MTRF1L: variants seen among roughly 807,000 people sequenced by gnomAD.
MTRF1L encodes mitochondrial translation release factor 1 like.
In MTRF1L, 29 loss-of-function variants were observed where a neutral mutation model predicts 40.0. The observed-to-expected ratio is 0.73, with a 90% CI of 0.54 to 0.99. MTRF1L has a LOEUF of 0.99. MTRF1L is among the 50% of genes least tolerant of loss of function. The pLI is 0.00. For synonymous variants in MTRF1L, 150 were observed against 175.8 expected (o/e 0.85, Z 1.16); for missense variants, 412 against 464.5 (o/e 0.89, Z 1.04).
Position 152,990,094 on chromosome 6 carries a change from A to G in MTRF1L, c.944T>C (p.Ile315Thr), listed in dbSNP as rs1417659796. ...NKRQNARKIQ[I>T]GSKGRSEKIR... is the part of the protein sequence containing the mutation. ...TTTCTCTGATCTTCCTTTACTTCCA[A>G]TCTGTATATAGAGAAAAAGATGAGA... The change falls in exon 7 of 7, where the codon ATT (isoleucine) becomes ACT (threonine). Residue 315 changes from isoleucine (I) to threonine (T), a missense_variant and splice_region_variant. Ile to Thr is a moderately conservative substitution (Grantham distance 89). Coordinates refer to ENST00000367233, the MANE Select transcript of MTRF1L (RefSeq NM_019041.7). 5.0e-6 allele frequency: 8 copies of G among 1,613,682 alleles called. No homozygotes were observed. The Admixed American group carries it at 1.3e-4, about 27-fold the overall frequency.
chr6:152,996,151 A>G (rs1048095967), intron 2 of MTRF1L, among the ~76,000 whole-genome samples: 3 of 152,210 alleles, frequency 2.0e-5, no homozygotes, highest in Admixed American at 2.0e-4. Flanking sequence ...ATGTGAAACT[A>G]ATTTTACAGG....
chr6:152,997,263 A>C (rs1316831293), intron 2 of MTRF1L, among the ~76,000 whole-genome samples: 1 of 152,170 alleles, frequency 6.6e-6, no homozygotes, highest in African/African-American at 2.4e-5. Flanking sequence ...TAATTGAAGA[A>C]GACTGATGAT....
At chr6:152,995,512 C>A (rs1395628785) in intron 2 of MTRF1L, among the ~76,000 whole-genome samples, 193 bp from the exon 3 acceptor site, 1 of 152,168 alleles carries the variant, frequency 6.6e-6, no homozygotes, top group Non-Finnish European at 1.5e-5. Flanking sequence ...ATTAATGTTA[C>A]AACCATATTA....
At chr6:152,990,373 T>C (rs1778464367) in intron 6 of MTRF1L, 2 of 392,994 alleles carry the variant, frequency 5.1e-6, no homozygotes, top group Non-Finnish European at 9.2e-6. Flanking sequence ...CAGTGTCTAC[T>C]ACACAGTGAT....
Position 152,998,627 on chromosome 6 carries a change from C to T in MTRF1L, c.262G>A (p.Glu88Lys). ...LRETEHLLHDENEDLRKLAEN... is the reference protein window; with the variant it reads ...LRETEHLLHDKNEDLRKLAEN... Reference sequence around the variant, plus strand: ...GCAAGTTTCCTTAAATCTTCATTCTCATCTAGGAAAAAAAGGGCAGAAGTT... The same window carrying T: ...GCAAGTTTCCTTAAATCTTCATTCTTATCTAGGAAAAAAAGGGCAGAAGTT... Residue 88 changes from glutamate (E) to lysine (K), a missense_variant and splice_region_variant, in exon 2 of 7, where the codon GAG becomes AAG. Glu to Lys is a moderately conservative substitution (Grantham distance 56, BLOSUM62 1). Transcript: ENST00000367233. 6.3e-7 allele frequency: 1 copy of T among 1,585,552 alleles called. No individual in the cohort carries two copies. Among genetic ancestry groups the T allele is most frequent in the Non-Finnish European group, 8.5e-7 (1 of 1,169,670 alleles).
chr6:152,997,236 T>A (rs1354006966), intron 2 of MTRF1L, among the ~76,000 whole-genome samples: 1 of 152,060 alleles, frequency 6.6e-6, no homozygotes, highest in Non-Finnish European at 1.5e-5. Flanking sequence ...AGGAAAAAAA[T>A]TATCTTATTC....
rs151055997 is a variant in MTRF1L, at chr6:152,990,076, G to T, written c.962C>A (p.Ser321Ter). ...AAAATTATATGTTCTTATTTTCTCT[G>T]ATCTTCCTTTACTTCCAATCTGTAT... Reference protein sequence around the residue: ...RKIQIGSKGRSEKIRTYNFPQ... With the variant: ...RKIQIGSKGR Residue 321 changes from serine (S) to a stop codon, truncating the protein, a stop_gained, in exon 7 of 7, where the codon TCA (serine) becomes TAA (stop). Transcript: ENST00000367233. LOFTEE classifies it high-confidence loss of function. The T allele has an allele frequency of 3.1e-6, 5 of 1,613,780 alleles. No individual in the cohort carries two copies. Among genetic ancestry groups the T allele is most frequent in the Non-Finnish European group, 4.2e-6 (5 of 1,179,912 alleles).
intron 5 of MTRF1L, among the ~76,000 whole-genome samples, chr6:152,992,317 A>C (rs1461530032): frequency 1.3e-5 from 2 of 152,186 alleles, no homozygotes; most frequent in Admixed American, 6.5e-5. Flanking sequence ...TATACTGGAG[A>C]TTTCGATATA....
intron 5 of MTRF1L, among the ~76,000 whole-genome samples, chr6:152,991,981 G>A (rs1036212228): frequency 6.6e-6 from 1 of 152,090 alleles, no homozygotes; most frequent in Admixed American, 6.6e-5. Flanking sequence ...TACGATACAT[G>A]AAAAATCCTA....
Position 153,002,688 on chromosome 6 carries a change from T to G in MTRF1L, c.-3A>C. On this transcript the variant is annotated 5_prime_UTR_variant, in exon 1 of 7. Coordinates refer to ENST00000367233, the MANE Select transcript of MTRF1L (RefSeq NM_019041.7). ...CCCCACAGAACCCGGGACCGCATCC[T>G]TAGTCCGAGATCGCGGACCCTGACC... 4.1e-6 allele frequency: 6 copies of G among 1,480,100 alleles called. No homozygotes were observed. The South Asian group carries it at 5.5e-5, about 14-fold the overall frequency. 91.7% of individuals were successfully genotyped at this position (1,480,100 alleles called of 1,614,324 possible). A position where few individuals can be genotyped will look rare whatever the true frequency, so the allele number is the denominator to read the frequency against.
Position 153,002,452 on chromosome 6 carries a change from C to T in MTRF1L, c.234G>A (p.Leu78=), listed in dbSNP as rs140948390. The T allele has an allele frequency of 7.1e-5, 115 of 1,613,872 alleles. No homozygotes were observed. The highest frequency in any genetic ancestry group is 9.2e-5 in the Non-Finnish European group (109 of 1,179,884). The change falls in exon 1 of 7, where the codon CTG becomes CTA. Residue 78 remains leucine (L), a synonymous_variant. Coordinates refer to ENST00000367233, the MANE Select transcript of MTRF1L (RefSeq NM_019041.7). The part of the protein sequence containing the change: ...IKLLNEKERE[L]RETEHLLHDE... ...CGTGCAGCAAGTGCTCAGTCTCCCG[C>T]AGCTCCCGCTCCTTCTCGTTCAGCA...
At chr6:152,992,752 G>T (rs1778569958) in intron 5 of MTRF1L, 105 bp downstream of exon 5, 2 of 807,296 alleles carry the variant, frequency 2.5e-6, no homozygotes, top group South Asian at 3.3e-5. Flanking sequence ...ATCCTTAGAA[G>T]TATATACTTC....
Position 152,992,907 on chromosome 6 carries a change from T to G in MTRF1L, c.755A>C (p.Gln252Pro), listed in dbSNP as rs1395945816. 6.2e-7 allele frequency: 1 copy of G among 1,612,558 alleles called. No individual in the cohort carries two copies. Among genetic ancestry groups the G allele is most frequent in the Non-Finnish European group, 8.5e-7 (1 of 1,180,004 alleles). ...AGCACTGTCCGTGGTATTTACATGC[T>G]GCCCCCCAGCTCCACTGGCTCGCTT... ...DTKRASGAGG[Q>P]HVNTTDSAVR... Residue 252 changes from glutamine to proline, a missense_variant, in exon 5 of 7, where the codon CAG (glutamine) becomes CCG (proline). Gln to Pro is a moderately conservative substitution (Grantham distance 76, BLOSUM62 -1). Coordinates refer to ENST00000367233, the MANE Select transcript of MTRF1L (RefSeq NM_019041.7).
intron 4 of MTRF1L, among the ~76,000 whole-genome samples, chr6:152,993,267 T>C (rs917158075): frequency 6.6e-6 from 1 of 152,194 alleles, no homozygotes; most frequent in African/African-American, 2.4e-5. Flanking sequence ...CAGAACTTGA[T>C]ACTATTCTGC....
At chr6:152,992,561 G>A (rs1562299028) in intron 5 of MTRF1L, among the ~76,000 whole-genome samples, 1 of 152,020 alleles carries the variant, frequency 6.6e-6, no homozygotes, top group Non-Finnish European at 1.5e-5. Flanking sequence ...TTACTTCATT[G>A]TGAGAATTTT....
intron 6 of MTRF1L, 33 bp from the exon 7 acceptor site, chr6:152,990,128 GATTCAGGGCAATTTAAAC>G: frequency 6.3e-7 from 1 of 1,598,008 alleles, no homozygotes; most frequent in Non-Finnish European, 8.5e-7. Flanking sequence ...GATGCAGCTA[GATTCAGGGCAATTTAAAC>G]CTACAAATTT....
intron 5 of MTRF1L, 144 bp from the exon 6 acceptor site, chr6:152,991,465 A>G: frequency 2.0e-6 from 2 of 979,674 alleles, no homozygotes; most frequent in South Asian, 3.9e-5. Flanking sequence ...GGGAGAGACT[A>G]TAAGCTTAAC....
chr6:153,001,292 C>T (rs368952026), intron 1 of MTRF1L, among the ~76,000 whole-genome samples: 1 of 152,204 alleles, frequency 6.6e-6, no homozygotes, highest in East Asian at 1.9e-4. Context: ...TCTTCTCTGC[C>T]TGCTCCTCAA....
At chr6:152,990,717 A>C (rs1477822019) in intron 6 of MTRF1L, among the ~76,000 whole-genome samples, 4 of 152,106 alleles carry the variant, frequency 2.6e-5, no homozygotes, top group Non-Finnish European at 5.9e-5. Flanking sequence ...CCAGCTACTC[A>C]GGAGGCTGCA....
Sources: allele counts gnomAD v4.1 joint callset (sites outside exome capture counted in the v4.1 genomes callset), GRCh38; gene constraint gnomAD v4.1.1; transcripts MANE v1.5; gene names NCBI Gene and HGNC (gene_info 2026-07-23, HGNC 2026-07-21).